ACACB: variants seen among roughly 807,000 people sequenced by gnomAD.
The protein encoded by ACACB is acetyl-CoA carboxylase 2.
Under a neutral mutation model 278.8 loss-of-function variants are expected in ACACB, and 209 were observed. That is an observed-to-expected ratio of 0.75 (90% CI 0.67 to 0.84). The LOEUF is 0.84. Ranked by LOEUF, ACACB falls within the 40% of genes least tolerant of loss-of-function variation. ACACB has a pLI of 0.00. For synonymous variants in ACACB, 1,174 were observed against 1,285.6 expected (o/e 0.91, Z 1.86); for missense variants, 2,850 against 3,269.0 (o/e 0.87, Z 3.13).
chr12:109,178,178 C>T (rs2284695), intron 9 of ACACB, among the ~76,000 whole-genome samples: 127,347 of 152,222 alleles, frequency 0.84, 53,845 homozygotes, highest in Non-Finnish European at 0.9. Context: ...ACAGTTGTTT[C>T]ATTATTTTTT....
At chr12:109,234,945 G>A (rs1394083738) in intron 31 of ACACB, among the ~76,000 whole-genome samples, 2 of 150,998 alleles carry the variant, frequency 1.3e-5, no homozygotes, top group Non-Finnish European at 1.5e-5. Flanking sequence ...GAAAAAAAGT[G>A]TACAATTTAA....
At chr12:109,120,840 G>A (rs901514969) in intron 1 of ACACB, among the ~76,000 whole-genome samples, 1 of 152,194 alleles carries the variant, frequency 6.6e-6, no homozygotes, top group Non-Finnish European at 1.5e-5. Context: ...CTTTCTCTCT[G>A]TGCCTCATCT....
In ACACB at chr12:109,169,781, T is replaced by C. The variant is rs556447708; in HGVS notation, c.925+1747T>C. On this transcript the variant is annotated intron_variant, in intron 4 of 52. Coordinates refer to ENST00000338432, the MANE Select transcript of ACACB (RefSeq NM_001093.4). The stretch of plus-strand genomic sequence containing the variant: ...GTTATTGTGTTTATTTTCTTGTTTA[T>C]CTTCTCCAACATAAAAGAAAAACTG... Among the ~76,000 whole-genome samples the C allele has an allele frequency of 4.6e-5, 7 of 152,322 alleles. No individual in the cohort carries two copies. In the South Asian group the frequency reaches 1.5e-3, roughly 32 times the overall value.
At chr12:109,161,173 A>G (rs2043711128) in intron 2 of ACACB, among the ~76,000 whole-genome samples, 1 of 152,226 alleles carries the variant, frequency 6.6e-6, no homozygotes, top group Admixed American at 6.5e-5. Flanking sequence ...TATGTACACA[A>G]AGGAAAAGAA....
At chr12:109,234,714 A>G (rs1015526246) in intron 31 of ACACB, among the ~76,000 whole-genome samples, 1 of 146,872 alleles carries the variant, frequency 6.8e-6, no homozygotes, top group Non-Finnish European at 1.5e-5. Flanking sequence ...AAAACCAAAC[A>G]CCGCATGTGC....
intron 16 of ACACB, among the ~76,000 whole-genome samples, 193 bp downstream of exon 16, chr12:109,193,922 A>G (rs147430793): frequency 2.4e-4 from 36 of 152,364 alleles, no homozygotes; most frequent in African/African-American, 8.4e-4. Flanking sequence ...AGGGCTGTGC[A>G]TTCTGCAGAG....
chr12:109,111,714 C>T, upstream of ACACB, among the ~76,000 whole-genome samples: 1 of 152,044 alleles, frequency 6.6e-6, no homozygotes. Context: ...CACTACCACG[C>T]CCGGCTAATT....
chr12:109,249,422 A>T (rs1224140385), intron 40 of ACACB: 1 of 152,202 alleles, frequency 6.6e-6, no homozygotes, highest in East Asian at 1.9e-4. Context: ...TTCAGCTTAA[A>T]TTGTTCCTTT....
chr12:109,152,391 CT>C (rs2043397470), intron 2 of ACACB, among the ~76,000 whole-genome samples: 1 of 152,082 alleles, frequency 6.6e-6, no homozygotes, highest in Admixed American at 6.5e-5. Flanking sequence ...CAGTGGGTTA[CT>C]TTTTTGGAGG....
chr12:109,152,761 C>T (rs2043413832), intron 2 of ACACB, among the ~76,000 whole-genome samples: 1 of 150,202 alleles, frequency 6.7e-6, no homozygotes, highest in Admixed American at 6.7e-5. Context: ...CTTCCCGCCT[C>T]AGCCTCCTGA....
intron 27 of ACACB, 77 bp from the exon 28 acceptor site, chr12:109,227,294 C>T: frequency 7.8e-7 from 1 of 1,278,360 alleles, no homozygotes; most frequent in Non-Finnish European, 1.1e-6. Context: ...GTACCTGTTC[C>T]CCGTGAGTGC....
At chr12:109,128,227 C>T (rs2042729675) in intron 1 of ACACB, among the ~76,000 whole-genome samples, 1 of 152,174 alleles carries the variant, frequency 6.6e-6, no homozygotes. Flanking sequence ...CGGCTCACTG[C>T]AACCTCCACC....
At position 109,234,006 on chromosome 12, in the gene ACACB, G is replaced by A. The variant is rs779383047; in HGVS notation, c.4308G>A (p.Glu1436=). 3.1e-6 allele frequency: 5 copies of A among 1,613,948 alleles called. No individual in the cohort carries two copies. In the Admixed American group the frequency reaches 6.7e-5, roughly 22 times the overall value. Residue 1436 remains glutamate, a synonymous_variant, in exon 31 of 53, where the codon GAG becomes GAA. Transcript: ENST00000338432. ...AGTGTGCAGACCACCTGGAGGATGA[G>A]GCACTGGTGCCGATTTTACGGACAT... The part of the protein sequence containing the change: ...SIQCADHLED[E]ALVPILRTFV...
intron 36 of ACACB, chr12:109,242,149 C>T (rs2046816803): frequency 5.8e-6 from 2 of 344,444 alleles, no homozygotes; most frequent in Middle Eastern, 8.2e-4. Context: ...ACACTGACCA[C>T]GTTCGGATTT....
intron 12 of ACACB, 103 bp from the exon 13 acceptor site, chr12:109,187,896 T>C: frequency 7.7e-7 from 1 of 1,297,594 alleles, no homozygotes; most frequent in East Asian, 2.5e-5. Context: ...CCTAAGCTTT[T>C]GGTCAGCGTA....
At chr12:109,242,698 C>G in intron 37 of ACACB, 106 bp downstream of exon 37, 1 of 1,401,324 alleles carries the variant, frequency 7.1e-7, no homozygotes, top group East Asian at 2.3e-5. Context: ...GTCTAAAGGA[C>G]AAGGTCTTGC....
intron 1 of ACACB, among the ~76,000 whole-genome samples, chr12:109,117,970 G>A (rs896725845): frequency 6.6e-6 from 1 of 152,094 alleles, no homozygotes; most frequent in Admixed American, 6.5e-5. Context: ...GGATGGTCTC[G>A]ATCTCCTGAC....
intron 32 of ACACB, 59 bp downstream of exon 32, chr12:109,235,428 A>G: frequency 2.6e-6 from 4 of 1,532,932 alleles, no homozygotes; most frequent in Non-Finnish European, 3.6e-6. Context: ...GGTGTGTGCC[A>G]TTTATTTGAT....
chr12:109,118,055 T>C (rs1477190102), intron 1 of ACACB, among the ~76,000 whole-genome samples: 1 of 152,160 alleles, frequency 6.6e-6, no homozygotes, highest in Non-Finnish European at 1.5e-5. Flanking sequence ...TGGCCAAAGA[T>C]ATCATTTTAT....
Sources: allele counts gnomAD v4.1 joint callset (sites outside exome capture counted in the v4.1 genomes callset), GRCh38; gene constraint gnomAD v4.1.1; transcripts MANE v1.5; gene names NCBI Gene and HGNC (gene_info 2026-07-23, HGNC 2026-07-21).